LDB2: variants seen among roughly 807,000 people sequenced by gnomAD.
The protein encoded by LDB2 is LIM domain binding 2.
In LDB2, 12 loss-of-function variants were observed where a neutral mutation model predicts 44.3. The ratio of observed to expected loss-of-function variants is 0.27; its 90% CI spans 0.17 to 0.44. LDB2 has a LOEUF of 0.44. LDB2 is among the 20% of genes least tolerant of loss of function. LDB2 has a pLI of 1.00. For synonymous variants in LDB2, 164 were observed against 174.8 expected, an observed-to-expected ratio of 0.94 and a Z score of 0.49; for missense variants, 344 against 473.5, an observed-to-expected ratio of 0.73 and a Z score of 2.54.
chr4:16,834,826 CAA>C (rs59410885), intron 1 of LDB2, among the ~76,000 whole-genome samples: 5 of 124,418 alleles, frequency 4.0e-5, no homozygotes, highest in Admixed American at 1.6e-4. Context: ...GATTCCATCT[CAA>C]AAAAAAAAAA....
At chr4:16,610,182 G>A (rs1725216383) in intron 2 of LDB2, among the ~76,000 whole-genome samples, 1 of 151,862 alleles carries the variant, frequency 6.6e-6, no homozygotes, top group Non-Finnish European at 1.5e-5. Flanking sequence ...ACAACAAAAA[G>A]GCCCCCACAG....
At chr4:16,620,112 C>G (rs1339271414) in intron 2 of LDB2, among the ~76,000 whole-genome samples, 1 of 152,114 alleles carries the variant, frequency 6.6e-6, no homozygotes, top group African/African-American at 2.4e-5. Flanking sequence ...CTCCTGTTGT[C>G]CAAAAGTTCC....
At chr4:16,796,455 G>T (rs1158694621) in intron 1 of LDB2, among the ~76,000 whole-genome samples, 1 of 152,128 alleles carries the variant, frequency 6.6e-6, no homozygotes, top group Non-Finnish European at 1.5e-5. Flanking sequence ...ATAACTCAAT[G>T]TACAATACTG....
In LDB2 at chr4:16,508,518, A is replaced by G. The variant is rs1398872253; in HGVS notation, c.891+17T>C. The G allele has an allele frequency of 6.5e-7, 1 of 1,539,846 alleles. No individual in the cohort carries two copies. The highest frequency in any genetic ancestry group is 8.8e-7 in the Non-Finnish European group (1 of 1,137,750). On this transcript the variant is annotated intron_variant, in intron 7 of 7. Coordinates refer to ENST00000304523, the MANE Select transcript of LDB2 (RefSeq NM_001290.5). ...AGACAGTTAGGATTTCGGGCCTAAG[A>G]GGAAAGCGAGACTTACAGGTACCTG...
intron 5 of LDB2, among the ~76,000 whole-genome samples, chr4:16,516,244 A>G (rs1723687916): frequency 6.6e-6 from 1 of 152,244 alleles, no homozygotes; most frequent in Non-Finnish European, 1.5e-5. Flanking sequence ...TTTCACCTGC[A>G]AAACAATACC....
rs1762810061 is a variant in LDB2 at position 16,739,714 on chromosome 4, GTATATAT to G, written c.235+19437_235+19443del. Among the ~76,000 whole-genome samples the G allele has an allele frequency of 6.4e-5, 4 of 62,450 alleles. 1 individual carries two copies. The highest frequency in any genetic ancestry group is 1.5e-4 in the Non-Finnish European group (4 of 26,278). 41.0% of individuals were successfully genotyped at this position (62,450 alleles called of 152,430 possible). On this transcript the variant is annotated intron_variant, in intron 2 of 7. Transcript: ENST00000304523. Reference sequence around the variant, plus strand: ...TATATATACATATATGTGTATATATGTATATATACATATATGTGTATATACATACATA... The same window carrying G: ...TATATATACATATATGTGTATATATGACATATATGTGTATATACATACATA...
chr4:16,747,657 AG>A (rs1174915763), intron 2 of LDB2, among the ~76,000 whole-genome samples: 1 of 152,214 alleles, frequency 6.6e-6, no homozygotes, highest in Non-Finnish European at 1.5e-5. Context: ...TACATCTCTC[AG>A]CTAGCTAACT....
intron 5 of LDB2, among the ~76,000 whole-genome samples, chr4:16,546,964 TG>T (rs943840382): frequency 1.3e-5 from 2 of 152,202 alleles, no homozygotes; most frequent in African/African-American, 4.8e-5. Context: ...TTGTCCATTG[TG>T]GTGGGTTGAA....
chr4:16,712,698 T>C (rs903840597), intron 2 of LDB2, among the ~76,000 whole-genome samples: 30 of 152,158 alleles, frequency 2.0e-4, no homozygotes, highest in Middle Eastern at 6.3e-3. Context: ...GCTATAATCA[T>C]ACAATCACAA....
chr4:16,747,168 G>A (rs569452749), intron 2 of LDB2, among the ~76,000 whole-genome samples: 3 of 152,232 alleles, frequency 2.0e-5, no homozygotes, highest in African/African-American at 7.2e-5. Flanking sequence ...CTTAAATAAG[G>A]CATGGCGCTG....
At chr4:16,816,120 A>T (rs1780838348) in intron 1 of LDB2, among the ~76,000 whole-genome samples, 1 of 152,122 alleles carries the variant, frequency 6.6e-6, no homozygotes, top group South Asian at 2.1e-4. Context: ...AGGCAGCAGA[A>T]TTACTTGAAC....
At chr4:16,817,116 A>G (rs1429711462) in intron 1 of LDB2, among the ~76,000 whole-genome samples, 1 of 152,126 alleles carries the variant, frequency 6.6e-6, no homozygotes, top group Non-Finnish European at 1.5e-5. Flanking sequence ...CATGTAACGC[A>G]CTCTTAGTAA....
chr4:16,871,829 C>CTA (rs997264696), intron 1 of LDB2, among the ~76,000 whole-genome samples: 26 of 152,182 alleles, frequency 1.7e-4, no homozygotes, highest in Admixed American at 1.2e-3. Context: ...GCCATGTTGG[C>CTA]TAGGCTGGTC....
Position 16,798,795 on chromosome 4 carries a change from C to T in LDB2, c.133-39535G>A, listed in dbSNP as rs369326598. On this transcript the variant is annotated intron_variant, in intron 1 of 7. Coordinates refer to ENST00000304523, the MANE Select transcript of LDB2 (RefSeq NM_001290.5). ...GCTGGACTCTGTAATTTTCAGTCAC[C>T]TCAAGTGACAGAGATTCAGCAGTGC... 1.3e-3 allele frequency among the ~76,000 whole-genome samples: 193 copies of T among 152,332 alleles called. 2 individuals are homozygous for T. The South Asian group carries it at 0.02, about 16-fold the overall frequency.
chr4:16,662,728 T>A (rs1741936924), intron 2 of LDB2, among the ~76,000 whole-genome samples: 1 of 152,072 alleles, frequency 6.6e-6, no homozygotes, highest in Non-Finnish European at 1.5e-5. Flanking sequence ...CTGAACATGC[T>A]CTCTTGCCTG....
At chr4:16,531,094 C>T (rs962182246) in intron 5 of LDB2, among the ~76,000 whole-genome samples, 2 of 152,194 alleles carry the variant, frequency 1.3e-5, no homozygotes, top group Non-Finnish European at 2.9e-5. Context: ...TCTTTTGACC[C>T]ATACCCAGGA....
At chr4:16,733,380 T>A (rs1234151264) in intron 2 of LDB2, among the ~76,000 whole-genome samples, 14 of 151,660 alleles carry the variant, frequency 9.2e-5, no homozygotes, top group Admixed American at 9.2e-4. Flanking sequence ...GGGGGGCTCT[T>A]GAGGGCTAGT....
At chr4:16,677,809 C>CA (rs1746706771) in intron 2 of LDB2, among the ~76,000 whole-genome samples, 1 of 152,172 alleles carries the variant, frequency 6.6e-6, no homozygotes, top group Admixed American at 6.5e-5. Context: ...CATGTGTTTC[C>CA]ATTTCATACC....
intron 2 of LDB2, among the ~76,000 whole-genome samples, chr4:16,623,788 G>A (rs894785339): frequency 2.2e-5 from 3 of 138,858 alleles, no homozygotes; most frequent in Non-Finnish European, 3.2e-5. Context: ...ACACACACAC[G>A]TTTTATTTAT....
Sources: allele counts gnomAD v4.1 joint callset (sites outside exome capture counted in the v4.1 genomes callset), GRCh38; gene constraint gnomAD v4.1.1; transcripts MANE v1.5; gene names NCBI Gene and HGNC (gene_info 2026-07-23, HGNC 2026-07-21).